Variants in MROH9 observed in about 807,000 individuals in gnomAD.
MROH9 encodes the protein maestro heat like repeat family member 9, also known as maestro heat-like repeat-containing protein family member 9.
MROH9 carries 92 observed loss-of-function variants against 98.2 expected under a neutral mutation model. That is an observed-to-expected ratio of 0.94 (90% CI 0.79 to 1.11). The LOEUF (loss-of-function observed/expected upper bound fraction) is 1.11, where lower values mean the gene tolerates loss of function less well. Ranked by LOEUF, MROH9 falls within the 50% of genes most tolerant of loss-of-function variation. The probability of loss-of-function intolerance (pLI) is 0.00; values close to 1 mark genes in which losing one functional copy is unlikely to be tolerated. For synonymous variants in MROH9, 397 were observed against 368.9 expected, an observed-to-expected ratio of 1.08 and a Z score of -0.87; for missense variants, 1,057 against 1,014.8, an observed-to-expected ratio of 1.04 and a Z score of -0.57.
rs376607039 is a variant in MROH9, at chr1:170,959,507, A to G, written c.198A>G (p.Ile66Met). The G allele has an allele frequency of 4.3e-6, 7 of 1,613,468 alleles. No homozygotes were observed. The Admixed American group carries it at 8.3e-5, about 19-fold the overall frequency. The change falls in exon 5 of 22, where the codon ATA becomes ATG. Residue 66 changes from isoleucine (I) to methionine (M), a missense_variant. Coordinates refer to ENST00000367759, the MANE Select transcript of MROH9 (RefSeq NM_001163629.2). ...LLQFESQLKI[I>M]ESSFGMLVVM... The stretch of plus-strand genomic sequence containing the variant: ...AGTTTGAATCTCAGTTGAAGATAAT[A>G]GAGTCATCCTTTGGAATGCTAGTTG...
intron 5 of MROH9, 121 bp downstream of exon 5, chr1:170,959,718 C>A: frequency 1.2e-6 from 1 of 840,558 alleles, no homozygotes; most frequent in Non-Finnish European, 1.7e-6. Context: ...TTAGTTATAA[C>A]AGTCAGGGCA....
intron 3 of MROH9, among the ~76,000 whole-genome samples, chr1:170,956,869 G>C (rs1249125825): frequency 1.3e-5 from 2 of 152,012 alleles, no homozygotes; most frequent in African/African-American, 4.8e-5. Context: ...GATTTCTCTG[G>C]CTAGGACTTC....
chr1:170,964,519 G>C (rs906472453), intron 6 of MROH9, among the ~76,000 whole-genome samples: 1 of 152,042 alleles, frequency 6.6e-6, no homozygotes. Flanking sequence ...AATGGCGATT[G>C]GCATATGAGG....
chr1:171,062,068 A>G, intron 20 of MROH9, 64 bp from the exon 21 acceptor site: 2 of 1,038,680 alleles, frequency 1.9e-6, no homozygotes, highest in Non-Finnish European at 1.5e-6. Context: ...GTAGCCAGAT[A>G]ACATCAGAAA....
intron 1 of MROH9, among the ~76,000 whole-genome samples, chr1:170,940,880 G>T (rs1195692954): frequency 6.6e-6 from 1 of 152,086 alleles, no homozygotes; most frequent in Non-Finnish European, 1.5e-5. Context: ...CTTCCACTTG[G>T]CTTTTCTCGC....
intron 9 of MROH9, 86 bp from the exon 10 acceptor site, chr1:170,986,475 T>C (rs1175288590): frequency 6.9e-7 from 1 of 1,449,400 alleles, no homozygotes; most frequent in Non-Finnish European, 9.3e-7. Flanking sequence ...GCTTGGCTCT[T>C]GAGCATCCCC....
intron 15 of MROH9, among the ~76,000 whole-genome samples, chr1:171,011,820 A>G (rs1652163642): frequency 6.6e-6 from 1 of 152,092 alleles, no homozygotes; most frequent in African/African-American, 2.4e-5. Context: ...TATATCAAAA[A>G]TCTGTTTATC....
chr1:171,045,025 G>T (rs1252644789), intron 20 of MROH9, among the ~76,000 whole-genome samples: 1 of 54,736 alleles, frequency 1.8e-5, no homozygotes, highest in Admixed American at 3.1e-4. Context: ...TTTTTGAGAT[G>T]GAGTCTCGCT....
Position 171,061,653 on chromosome 1 carries a change from A to G in MROH9, c.2282-479A>G, listed in dbSNP as rs1305174737. Among the ~76,000 whole-genome samples, 6 of 152,350 alleles carry G rather than the reference A, an allele frequency of 3.9e-5. No homozygotes were observed. The East Asian group carries it at 9.6e-4, about 24-fold the overall frequency. Reference sequence around the variant, plus strand: ...CATAGATATGTAAACAAATGAGCCAATGTGAATGGCTGTATCTCAAGAAAA... The same window carrying G: ...CATAGATATGTAAACAAATGAGCCAGTGTGAATGGCTGTATCTCAAGAAAA... On this transcript the variant is annotated intron_variant, in intron 20 of 21. Transcript: ENST00000367759.
chr1:170,998,249 T>TC lies in MROH9; in HGVS notation c.1572dup (p.Ile525HisfsTer8), dbSNP rs772318656. On this transcript the variant is annotated frameshift_variant, in exon 15 of 22. Coordinates refer to ENST00000367759, the MANE Select transcript of MROH9 (RefSeq NM_001163629.2). LOFTEE classifies it high-confidence loss of function. ...GGTCCTAGAAGGTCAGAAGACACTGTCATCGTATTAATATTCCTCACTGAA... is the reference window on the plus strand; with the variant it reads ...GGTCCTAGAAGGTCAGAAGACACTGTCCATCGTATTAATATTCCTCACTGAA... 3 of 1,613,536 alleles carry TC rather than the reference T, an allele frequency of 1.9e-6. No homozygotes were observed. Among genetic ancestry groups the TC allele is most frequent in the Non-Finnish European group, 2.5e-6 (3 of 1,179,638 alleles).
intron 1 of MROH9, among the ~76,000 whole-genome samples, chr1:170,938,892 G>C (rs887012791): frequency 6.6e-6 from 1 of 152,164 alleles, no homozygotes; most frequent in East Asian, 1.9e-4. Flanking sequence ...CTCGGTAGTG[G>C]CCACAGCTAG....
chr1:170,936,174 A>G (rs1648874678), intron 1 of MROH9, among the ~76,000 whole-genome samples: 1 of 152,018 alleles, frequency 6.6e-6, no homozygotes, highest in Admixed American at 6.5e-5. Context: ...ATATAGATAA[A>G]TATATTTATT....
intron 20 of MROH9, among the ~76,000 whole-genome samples, chr1:171,030,800 G>T (rs1190812600): frequency 6.6e-6 from 1 of 152,128 alleles, no homozygotes; most frequent in Non-Finnish European, 1.5e-5. Context: ...TGTCTATTGG[G>T]CCCATTTGAT....
At chr1:170,965,062 G>C in intron 6 of MROH9, 89 bp from the exon 7 acceptor site, 1 of 799,694 alleles carries the variant, frequency 1.3e-6, no homozygotes, top group Non-Finnish European at 2.1e-6. Flanking sequence ...ATGTAGGAAG[G>C]CCTGATTTGG....
At chr1:170,958,764 T>A (rs1186984699) in intron 4 of MROH9, among the ~76,000 whole-genome samples, 6 of 152,222 alleles carry the variant, frequency 3.9e-5, no homozygotes, top group Admixed American at 2.0e-4. Context: ...TGCCATCAGT[T>A]TGAAGATGCA....
intron 8 of MROH9, among the ~76,000 whole-genome samples, chr1:170,973,100 A>C (rs1650530296): frequency 6.6e-6 from 1 of 151,596 alleles, no homozygotes; most frequent in Admixed American, 6.6e-5. Flanking sequence ...GGAGTACATG[A>C]GTGCATGCAC....
At chr1:171,040,587 T>C (rs1160929039) in intron 20 of MROH9, among the ~76,000 whole-genome samples, 1 of 152,110 alleles carries the variant, frequency 6.6e-6, no homozygotes, top group Non-Finnish European at 1.5e-5. Context: ...AAAAAATAGA[T>C]AATCTTGCAT....
chr1:170,945,995 A>G (rs1029612470), intron 2 of MROH9, among the ~76,000 whole-genome samples: 1 of 152,068 alleles, frequency 6.6e-6, no homozygotes, highest in Admixed American at 6.6e-5. Context: ...GGGATCACAG[A>G]GAAAAATTTA....
chr1:171,007,147 C>T (rs1487821067), intron 15 of MROH9, among the ~76,000 whole-genome samples: 1 of 152,206 alleles, frequency 6.6e-6, no homozygotes, highest in Admixed American at 6.5e-5. Context: ...CACACCTGGG[C>T]TAATGCCTCC....
Sources: gnomAD v4.1 joint callset for allele counts (sites outside exome capture counted in the v4.1 genomes callset) on GRCh38, gnomAD v4.1.1 for gene constraint, MANE v1.5 for transcripts, NCBI Gene and HGNC (gene_info 2026-07-23, HGNC 2026-07-21) for gene names.